MYO16: variants seen among roughly 807,000 people sequenced by gnomAD.
MYO16 encodes the protein myosin XVI, also known as unconventional myosin-XVI.
MYO16 carries 94 observed loss-of-function variants against 205.3 expected under a neutral mutation model. That is an observed-to-expected ratio of 0.46 (90% CI 0.39 to 0.54). MYO16 has a LOEUF of 0.54. Among genes scored for constraint, MYO16 ranks in the 20% least tolerant of loss-of-function variants. MYO16 has a pLI of 0.00. For synonymous variants in MYO16, 988 were observed against 954.0 expected, an observed-to-expected ratio of 1.04 and a Z score of -0.66; for missense variants, 2,315 against 2,387.5, an observed-to-expected ratio of 0.97 and a Z score of 0.63.
At chr13:108,563,923 C>T in the MYO16 span, among the ~76,000 whole-genome samples, 1 of 152,150 alleles carries the variant, frequency 6.6e-6, no homozygotes, top group African/African-American at 2.4e-5. Context: ...CTCCAAACTG[C>T]TCTCCATAGT....
intron 15 of MYO16, among the ~76,000 whole-genome samples, chr13:108,907,966 T>C (rs564590946): frequency 4.6e-5 from 7 of 152,334 alleles, no homozygotes; most frequent in African/African-American, 1.4e-4. Flanking sequence ...AAAATGTCTT[T>C]AGGTTTTTAA....
intron 9 of MYO16, among the ~76,000 whole-genome samples, chr13:108,825,259 G>A (rs765399869): frequency 2.6e-5 from 4 of 151,810 alleles, no homozygotes; most frequent in Non-Finnish European, 5.9e-5. Flanking sequence ...AGAAAATATG[G>A]TATATCATGT....
chr13:108,900,500 T>G (rs1880656011), intron 15 of MYO16, among the ~76,000 whole-genome samples: 1 of 152,206 alleles, frequency 6.6e-6, no homozygotes, highest in Non-Finnish European at 1.5e-5. Flanking sequence ...CATGGACATT[T>G]ATTAGTTCCC....
chr13:108,949,024 A>G (rs973956549), intron 16 of MYO16, among the ~76,000 whole-genome samples: 1 of 152,218 alleles, frequency 6.6e-6, no homozygotes, highest in Non-Finnish European at 1.5e-5. Flanking sequence ...TAGAAATAGC[A>G]CATAGTCAAC....
intron 16 of MYO16, among the ~76,000 whole-genome samples, chr13:108,934,259 G>A (rs1411335252): frequency 6.6e-6 from 1 of 152,026 alleles, no homozygotes; most frequent in Non-Finnish European, 1.5e-5. Flanking sequence ...AATGTCTATT[G>A]TTTTTTGACT....
At chr13:108,510,734 T>G in the MYO16 span, among the ~76,000 whole-genome samples, 1 of 17,332 alleles carries the variant, frequency 5.8e-5, no homozygotes, top group African/African-American at 2.7e-4. Flanking sequence ...TTTGGTTTTT[T>G]GTTCTTGTGA....
At chr13:108,807,424 T>C (rs79031863) in intron 7 of MYO16, among the ~76,000 whole-genome samples, 14,292 of 151,734 alleles carry the variant, frequency 0.094, 879 homozygotes, top group East Asian at 0.14. Context: ...AACAAGAACA[T>C]TGTTTGTTTT....
rs150237238 is a variant in MYO16 at position 108,611,369 on chromosome 13, G to GA, written c.-39+15135dup. 9.5e-3 allele frequency among the ~76,000 whole-genome samples: 1,449 copies of GA among 152,202 alleles called. 19 individuals are homozygous for GA. The highest frequency in any genetic ancestry group is 0.032 in the Admixed American group (487 of 15,280). ...AATTGGAAGTCACACTGAAACAAAT[G>GA]AAAAAGGAATTAATTTGGAACTACT... On this transcript the variant is annotated intron_variant, in intron 1 of 24. Coordinates refer to the MYO16 transcript ENST00000251041.
At chr13:108,794,884 G>A (rs1297816700) in intron 6 of MYO16, among the ~76,000 whole-genome samples, 1 of 152,152 alleles carries the variant, frequency 6.6e-6, no homozygotes, top group South Asian at 2.1e-4. Context: ...AACATGGTGT[G>A]AGGTTGAAGA....
At chr13:109,193,714 A>G (rs1410300426) in intron 34 of MYO16, among the ~76,000 whole-genome samples, 1 of 152,140 alleles carries the variant, frequency 6.6e-6, no homozygotes, top group African/African-American at 2.4e-5. Flanking sequence ...GTGCCATGCT[A>G]CCATGATTTT....
At chr13:108,548,021 G>A in the MYO16 span, among the ~76,000 whole-genome samples, 3,694 of 152,208 alleles carry the variant, frequency 0.024, 77 homozygotes, top group Non-Finnish European at 0.038. Context: ...CAAGGTGTTG[G>A]GAAAGTCTCC....
At chr13:108,866,778 T>C (rs1467781828) in intron 12 of MYO16, among the ~76,000 whole-genome samples, 1 of 152,142 alleles carries the variant, frequency 6.6e-6, no homozygotes, top group Non-Finnish European at 1.5e-5. Flanking sequence ...TCAAAAATAC[T>C]ATATCATAGG....
the MYO16 span, among the ~76,000 whole-genome samples, chr13:108,563,111 T>C: frequency 6.6e-6 from 1 of 152,222 alleles, no homozygotes; most frequent in African/African-American, 2.4e-5. Context: ...GGGAAATGCT[T>C]TCTGCGTTTT....
intron 1 of MYO16, among the ~76,000 whole-genome samples, chr13:108,605,220 A>G (rs1878907963): frequency 6.6e-6 from 1 of 152,338 alleles, no homozygotes; most frequent in Non-Finnish European, 1.5e-5. Context: ...TTTGAAAGCT[A>G]AATATAGCCA....
At chr13:108,878,038 A>C (rs756385878) in intron 12 of MYO16, among the ~76,000 whole-genome samples, 5 of 152,150 alleles carry the variant, frequency 3.3e-5, no homozygotes, top group Non-Finnish European at 7.3e-5. Context: ...TTACCTAAAT[A>C]GATGATTAGT....
Position 109,140,605 on chromosome 13 carries a change from G to A in MYO16, c.4393G>A (p.Gly1465Ser), listed in dbSNP as rs1274282379. Residue 1465 changes from glycine to serine, a missense_variant, in exon 32 of 35, where the codon GGC becomes AGC. Transcript: ENST00000457511. The surrounding 1 kb of genome is among the most constrained non-coding windows in gnomAD (Gnocchi z 8.0). Reference sequence around the variant, plus strand: ...GATGAAGTGTTGCCTGCCCGACGACGGCGGCCCGGGCGCGGGCTCCTTCCT... The same window carrying A: ...GATGAAGTGTTGCCTGCCCGACGACAGCGGCCCGGGCGCGGGCTCCTTCCT... ...EEMKCCLPDD[G>S]GPGAGSFLLH... 1.3e-6 allele frequency: 2 copies of A among 1,518,872 alleles called. No individual in the cohort carries two copies. The highest frequency in any genetic ancestry group is 1.8e-6 in the Non-Finnish European group (2 of 1,139,248). 94.1% of individuals were successfully genotyped at this position (1,518,872 alleles called of 1,614,324 possible). A position where few individuals can be genotyped will look rare whatever the true frequency, so the allele number is the denominator to read the frequency against.
intron 4 of MYO16, among the ~76,000 whole-genome samples, chr13:108,737,812 G>C (rs1003125787): frequency 4.6e-5 from 7 of 152,162 alleles, no homozygotes; most frequent in African/African-American, 1.4e-4. Flanking sequence ...CTCAATTTCA[G>C]AGCCTGTTAT....
At chr13:108,572,055 G>T in the MYO16 span, among the ~76,000 whole-genome samples, 1 of 151,836 alleles carries the variant, frequency 6.6e-6, no homozygotes, top group Non-Finnish European at 1.5e-5. Flanking sequence ...GAGTAGCTGG[G>T]ACTACAGGTG....
upstream of MYO16, among the ~76,000 whole-genome samples, chr13:108,627,025 C>A: frequency 6.8e-6 from 1 of 146,034 alleles, no homozygotes; most frequent in Admixed American, 6.9e-5. Flanking sequence ...TTCTGACCAC[C>A]CAACAGTGAG....
Sources: allele counts gnomAD v4.1 joint callset (sites outside exome capture counted in the v4.1 genomes callset), GRCh38; gene constraint gnomAD v4.1.1; non-coding constraint Gnocchi (gnomAD v3.1); transcripts MANE v1.5; gene names NCBI Gene and HGNC (gene_info 2026-07-23, HGNC 2026-07-21).